The following MPV17L variants were observed in gnomAD, a reference collection of about 807,000 sequenced individuals.
MPV17L encodes MPV17 mitochondrial inner membrane protein like.
A neutral mutation model predicts 25.8 loss-of-function variants in MPV17L; 24 were observed. The observed-to-expected ratio is 0.93, with a 90% CI of 0.67 to 1.31. The LOEUF (loss-of-function observed/expected upper bound fraction) is 1.31. Ranked by LOEUF, MPV17L falls within the 50% of genes most tolerant of loss-of-function variation. The pLI is 0.00. For missense variants in MPV17L, 250 were observed against 265.6 expected (o/e 0.94, Z 0.41); for synonymous variants, 102 against 115.3 (o/e 0.88, Z 0.74).
At chr16:15,404,455 G>A (rs1325040507) in intron 2 of MPV17L, among the ~76,000 whole-genome samples, 1 of 152,128 alleles carries the variant, frequency 6.6e-6, no homozygotes, top group Non-Finnish European at 1.5e-5. Context: ...TAACACTTTG[G>A]GAGGCTGAAG....
In MPV17L at chr16:15,401,258, A is replaced by G. The variant is rs1472307215; in HGVS notation, c.381+401A>G. Among the ~76,000 whole-genome samples the G allele has an allele frequency of 2.0e-5, 3 of 151,396 alleles. No individual in the cohort carries two copies. In the East Asian group the frequency reaches 5.8e-4, roughly 29 times the overall value. ...CTCCTGAGTAGCTGAGACTACAGGCATGTGCCACCACACCCAGCTAATTAT... is the reference window on the plus strand; with the variant it reads ...CTCCTGAGTAGCTGAGACTACAGGCGTGTGCCACCACACCCAGCTAATTAT... On this transcript the variant is annotated intron_variant, in intron 2 of 3. Transcript: ENST00000396385.
chr16:15,395,886 C>T lies in MPV17L; in HGVS notation c.-12C>T. ...ACGCGGGCTCCTGATCGCGGGCGCC[C>T]ACAGCGCGGACATGGCGGGCTGGTG... On this transcript the variant is annotated 5_prime_UTR_variant, in exon 1 of 4. Transcript: ENST00000396385. The T allele has an allele frequency of 7.2e-7, 1 of 1,390,282 alleles. No individual in the cohort carries two copies. The highest frequency in any genetic ancestry group is 9.2e-7 in the Non-Finnish European group (1 of 1,084,928). 86.1% of individuals were successfully genotyped at this position (1,390,282 alleles called of 1,614,324 possible). A position where few individuals can be genotyped will look rare whatever the true frequency, so the allele number is the denominator to read the frequency against.
Position 15,395,957 on chromosome 16 carries a change from C to T in MPV17L, c.60C>T (p.Asn20=), listed in dbSNP as rs1185553858. The change falls in exon 1 of 4, where the codon AAC becomes AAT. Residue 20 remains asparagine, a synonymous_variant. Transcript: ENST00000396385. ...CCCGGCGCCACCCGTGGCCCACCAA[C>T]GTGCTGCTTTACGGCTCGCTCGTCT... is the stretch of plus-strand genomic sequence containing the variant. The part of the protein sequence containing the change: ...RAARRHPWPT[N]VLLYGSLVSA... 2.7e-5 allele frequency: 40 copies of T among 1,504,134 alleles called. No homozygotes were observed. Among genetic ancestry groups the T allele is most frequent in the African/African-American group, 2.9e-5 (2 of 69,022 alleles). 93.2% of individuals were successfully genotyped at this position (1,504,134 alleles called of 1,614,324 possible).
intron 2 of MPV17L, among the ~76,000 whole-genome samples, chr16:15,401,072 ATATATATATATATATTTTTTTT>A (rs2050631993): frequency 3.7e-5 from 1 of 26,880 alleles, no homozygotes; most frequent in South Asian, 2.1e-3. Context: ...ATATATATAT[ATATATATATATATATTTTTTTT>A]TTTTTTTTTT....
At position 15,402,109 on chromosome 16, in the gene MPV17L, T is replaced by G. The variant is rs139887018; in HGVS notation, c.381+1252T>G. Among the ~76,000 whole-genome samples the G allele has an allele frequency of 2.7e-3, 408 of 152,288 alleles. 1 individual carries two copies. The highest frequency in any genetic ancestry group is 7.6e-3 in the African/African-American group (317 of 41,558). ...AAAGAACTTTAACATCACAAAGGTA[T>G]TGATAGAGAAGGAGAAGGTTTCCAA... On this transcript the variant is annotated intron_variant, in intron 2 of 3. Transcript: ENST00000396385.
At chr16:15,403,285 C>T (rs1252310138) in intron 2 of MPV17L, among the ~76,000 whole-genome samples, 1 of 148,138 alleles carries the variant, frequency 6.8e-6, no homozygotes, top group Non-Finnish European at 1.5e-5. Flanking sequence ...AGGAGAATCA[C>T]TTGAACCCGG....
chr16:15,401,060 A>G (rs868276393), intron 2 of MPV17L, among the ~76,000 whole-genome samples: 605 of 40,100 alleles, frequency 0.015, 1 homozygote, highest in African/African-American at 0.046. Flanking sequence ...GTGTGTGTGT[A>G]TATATATATA....
At chr16:15,402,450 C>G (rs1280627236) in intron 2 of MPV17L, among the ~76,000 whole-genome samples, 1 of 152,186 alleles carries the variant, frequency 6.6e-6, no homozygotes, top group Non-Finnish European at 1.5e-5. Flanking sequence ...CTAGCATCAT[C>G]TGTTGGATGG....
At position 15,411,512 on chromosome 16, in the gene MPV17L, G is replaced by A. The variant is rs1487460271; in HGVS notation, c.*3400G>A. ...CCTACAAAAATTAGCCAAGCATGGT[G>A]GTGTGAGCCTGTAGTCCCAGCTACT... is the stretch of plus-strand genomic sequence containing the variant. On this transcript the variant is annotated 3_prime_UTR_variant, in exon 4 of 4. Transcript: ENST00000396385. 6.6e-6 allele frequency: 1 copy of A among 152,220 alleles called. No individual in the cohort carries two copies. Among genetic ancestry groups the A allele is most frequent in the East Asian group, 1.9e-4 (1 of 5,186 alleles). 9.4% of individuals were successfully genotyped at this position (152,220 alleles called of 1,614,324 possible). A position where few individuals can be genotyped will look rare whatever the true frequency, so the allele number is the denominator to read the frequency against.
At chr16:15,404,936 T>C (rs1243513637) in intron 2 of MPV17L, among the ~76,000 whole-genome samples, 1 of 152,212 alleles carries the variant, frequency 6.6e-6, no homozygotes, top group African/African-American at 2.4e-5. Context: ...GGAGAGTTCA[T>C]GGCAGGGTTT....
At chr16:15,401,082 ATATATTTT>A (rs2050634692) in intron 2 of MPV17L, among the ~76,000 whole-genome samples, 4 of 32,626 alleles carry the variant, frequency 1.2e-4, no homozygotes, top group African/African-American at 2.5e-4. Flanking sequence ...ATATATATAT[ATATATTTT>A]TTTTTTTTTT....
Position 15,407,801 on chromosome 16 carries a change from CT to C in MPV17L, c.382-12del, listed in dbSNP as rs200953251. 0.031 allele frequency: 33,937 copies of C among 1,096,964 alleles called. 29 individuals carry two copies. Among genetic ancestry groups the C allele is most frequent in the South Asian group, 0.053 (2,921 of 55,006 alleles). The allele number at this position is 1,096,964 out of a possible 1,614,324, so 68.0% of individuals were successfully genotyped here. On this transcript the variant is annotated intron_variant, in intron 2 of 3. Coordinates refer to ENST00000396385, the MANE Select transcript of MPV17L (RefSeq NM_001128423.2). ...AAAAGGCAATCTAATAAAGTTGTTG[CT>C]TTTTTTTTTTCCCAATTCCAGAGTG...
Position 15,395,995 on chromosome 16 carries a change from C to T in MPV17L, c.98C>T (p.Ala33Val), listed in dbSNP as rs1323382850. The change falls in exon 1 of 4, where the codon GCG becomes GTG. Residue 33 changes from alanine (A) to valine (V), a missense_variant. Transcript: ENST00000396385. ...GGCTCGCTCGTCTCGGCCGGGGACG[C>T]GCTGCAACAGCGGCTGCAGGGCCGC... Reference protein sequence around the residue: ...LYGSLVSAGDALQQRLQGREA... With the variant: ...LYGSLVSAGDVLQQRLQGREA... 1 of 1,516,308 alleles carries T rather than the reference C, an allele frequency of 6.6e-7. No homozygotes were observed. The allele number at this position is 1,516,308 out of a possible 1,614,324, so 93.9% of individuals were successfully genotyped here.
At position 15,412,441 on chromosome 16, in the gene MPV17L, AAAAAG is replaced by A. The variant is rs1412683733; in HGVS notation, c.*4333_*4337del. The stretch of plus-strand genomic sequence containing the variant: ...CAAGACTGTGTCTATAAAAAAAAAA[AAAAAG>A]AAAGAAAAGTAAATTAACTTTGGTA... On this transcript the variant is annotated 3_prime_UTR_variant, in exon 4 of 4. Coordinates refer to ENST00000396385, the MANE Select transcript of MPV17L (RefSeq NM_001128423.2). The A allele has an allele frequency of 4.6e-5, 7 of 151,956 alleles. No homozygotes were observed. The highest frequency in any genetic ancestry group is 1.2e-4 in the African/African-American group (5 of 41,388). 9.4% of individuals were successfully genotyped at this position (151,956 alleles called of 1,614,324 possible).
At chr16:15,396,933 G>C (rs1483350676) in intron 1 of MPV17L, among the ~76,000 whole-genome samples, 1 of 152,138 alleles carries the variant, frequency 6.6e-6, no homozygotes, top group South Asian at 2.1e-4. Flanking sequence ...ACCCGGGCCT[G>C]GGGTGTGGGG....
intron 2 of MPV17L, among the ~76,000 whole-genome samples, chr16:15,407,557 C>T (rs1229617968): frequency 1.3e-5 from 2 of 151,988 alleles, no homozygotes; most frequent in Non-Finnish European, 2.9e-5. Flanking sequence ...GCCTGGCCAA[C>T]ATGGTGAAAA....
chr16:15,405,330 T>G (rs1429511894), intron 2 of MPV17L, among the ~76,000 whole-genome samples: 10 of 149,850 alleles, frequency 6.7e-5, no homozygotes, highest in Non-Finnish European at 1.3e-4. Context: ...GGTCAGGAAT[T>G]CAAGACCAAC....
intron 1 of MPV17L, among the ~76,000 whole-genome samples, chr16:15,397,114 C>A (rs531616457): frequency 6.6e-6 from 1 of 151,988 alleles, no homozygotes; most frequent in Non-Finnish European, 1.5e-5. Flanking sequence ...AGACACTGGG[C>A]GTATTCTCCC....
At chr16:15,404,915 C>T (rs573349856) in intron 2 of MPV17L, among the ~76,000 whole-genome samples, 3 of 152,210 alleles carry the variant, frequency 2.0e-5, no homozygotes, top group South Asian at 2.1e-4. Context: ...GGGAGATTGC[C>T]GAAGCACAGA....
Sources: allele counts gnomAD v4.1 joint callset (sites outside exome capture counted in the v4.1 genomes callset), GRCh38; gene constraint gnomAD v4.1.1; transcripts MANE v1.5; gene names NCBI Gene and HGNC (gene_info 2026-07-23, HGNC 2026-07-21).